The following ADAMTS6 variants were observed in gnomAD, a reference collection of about 807,000 sequenced individuals.
ADAMTS6 encodes the protein A disintegrin and metalloproteinase with thrombospondin motifs 6.
ADAMTS6 carries 23 observed loss-of-function variants against 144.3 expected under a neutral mutation model. The ratio of observed to expected loss-of-function variants is 0.16; its 90% CI spans 0.11 to 0.23. The LOEUF (loss-of-function observed/expected upper bound fraction) is 0.23. ADAMTS6 is among the 10% of genes least tolerant of loss of function. The probability of loss-of-function intolerance (pLI) is 1.00; values close to 1 mark genes in which losing one functional copy is unlikely to be tolerated. For missense variants in ADAMTS6, 999 were observed against 1,379.6 expected, an observed-to-expected ratio of 0.72 and a Z score of 4.37; for synonymous variants, 444 against 457.5, an observed-to-expected ratio of 0.97 and a Z score of 0.38.
chr5:65,205,761 T>A (rs1282089673), intron 20 of ADAMTS6, among the ~76,000 whole-genome samples: 2 of 152,192 alleles, frequency 1.3e-5, no homozygotes, highest in Non-Finnish European at 2.9e-5. Flanking sequence ...AGGAAAGAAG[T>A]TGCTAGCAAT....
chr5:65,416,746 T>C (rs1031491184), intron 7 of ADAMTS6, among the ~76,000 whole-genome samples: 2 of 80,430 alleles, frequency 2.5e-5, no homozygotes, highest in African/African-American at 2.1e-4. Flanking sequence ...CAAGACTCCA[T>C]TTAAAAAAAA....
rs754874510 is a variant in ADAMTS6 at position 65,275,677 on chromosome 5, CAAAT to C, written c.1513-2234_1513-2231del. Among the ~76,000 whole-genome samples, 62 of 151,094 alleles carry C rather than the reference CAAAT, an allele frequency of 4.1e-4. 2 individuals carry two copies. The highest frequency in any genetic ancestry group is 3.5e-4 in the Non-Finnish European group (24 of 67,722). ...CCCAGAACTTAAAGTAAAATAAAAA[CAAAT>C]AAATAAGTAAAATAAAAATAAAATA... On this transcript the variant is annotated intron_variant, in intron 11 of 24. Transcript: ENST00000381055.
chr5:65,465,250 G>C, intron 3 of ADAMTS6, among the ~76,000 whole-genome samples: 1 of 151,732 alleles, frequency 6.6e-6, no homozygotes, highest in East Asian at 1.9e-4. Context: ...ATTCCCCTCC[G>C]ATAGACATTG....
chr5:65,463,631 C>T (rs1759787969), intron 3 of ADAMTS6, among the ~76,000 whole-genome samples: 1 of 152,154 alleles, frequency 6.6e-6, no homozygotes, highest in Non-Finnish European at 1.5e-5. Flanking sequence ...GCCCAAACCT[C>T]ACCCCCTGAA....
At chr5:65,436,677 A>G (rs1439535844) in intron 7 of ADAMTS6, among the ~76,000 whole-genome samples, 1 of 147,470 alleles carries the variant, frequency 6.8e-6, no homozygotes, top group Non-Finnish European at 1.5e-5. Flanking sequence ...TCTACTAAAA[A>G]TATTTAAAAA....
At chr5:65,415,076 G>A (rs537555990) in intron 7 of ADAMTS6, among the ~76,000 whole-genome samples, 14 of 152,114 alleles carry the variant, frequency 9.2e-5, no homozygotes, top group African/African-American at 2.7e-4. Flanking sequence ...AAATATTTGC[G>A]AATCATATAT....
rs755656400 is a variant in ADAMTS6 at position 65,452,807 on chromosome 5, A to G, written c.743T>C (p.Ile248Thr). The G allele has an allele frequency of 8.1e-6, 13 of 1,614,010 alleles. No homozygotes were observed. In the African/African-American group the frequency reaches 1.2e-4, roughly 15 times the overall value. Residue 248 changes from isoleucine (I) to threonine (T), a missense_variant, in exon 5 of 25, where the codon ATT becomes ACT. Ile to Thr is a moderately conservative substitution (Grantham distance 89). Transcript: ENST00000381055. The stretch of plus-strand genomic sequence containing the variant: ...TACCAATGTCTCCACAAACCGTTCA[A>G]TGCTCACTGATCTCTTCTGTCTGTG... ...IHHRQKRSVS[I>T]ERFVETLVVA...
chr5:65,258,799 C>T (rs1409996538), intron 14 of ADAMTS6, among the ~76,000 whole-genome samples: 2 of 151,990 alleles, frequency 1.3e-5, no homozygotes, highest in Non-Finnish European at 2.9e-5. Flanking sequence ...GCTGGAAGAA[C>T]GAGTAGAGAA....
intron 7 of ADAMTS6, among the ~76,000 whole-genome samples, chr5:65,370,069 T>C (rs758683354): frequency 1.4e-4 from 22 of 152,238 alleles, no homozygotes; most frequent in South Asian, 8.3e-4. Context: ...GAAAAGGAAA[T>C]ATATTTTAAG....
chr5:65,364,659 T>TGGGTTCA (rs1279366132), intron 7 of ADAMTS6, among the ~76,000 whole-genome samples: 2 of 149,338 alleles, frequency 1.3e-5, no homozygotes, highest in Non-Finnish European at 3.0e-5. Context: ...CTCCGCCTCC[T>TGGGTTCA]GGGTTCATGC....
intron 9 of ADAMTS6, among the ~76,000 whole-genome samples, chr5:65,322,596 T>A (rs570733553): frequency 4.3e-5 from 6 of 139,368 alleles, no homozygotes; most frequent in Non-Finnish European, 6.1e-5. Flanking sequence ...ATCTTTCACC[T>A]CCCTAGTTAG....
chr5:65,425,856 T>C (rs561995059), intron 7 of ADAMTS6, among the ~76,000 whole-genome samples: 25 of 150,472 alleles, frequency 1.7e-4, no homozygotes, highest in Non-Finnish European at 3.0e-4. Context: ...CTCCGCCTCC[T>C]GGGTTCACGC....
At chr5:65,339,455 C>CAAAAAAAAAAAAAAAAAAAAAAAA (rs538468970) in intron 7 of ADAMTS6, among the ~76,000 whole-genome samples, 1 of 108,670 alleles carries the variant, frequency 9.2e-6, no homozygotes, top group African/African-American at 3.0e-5. Flanking sequence ...ATAAAAAAAG[C>CAAAAAAAAAAAAAAAAAAAAAAAA]AAAAAAAAAA....
intron 24 of ADAMTS6, among the ~76,000 whole-genome samples, chr5:65,158,053 T>G (rs1752533098): frequency 6.6e-6 from 1 of 152,160 alleles, no homozygotes; most frequent in Admixed American, 6.5e-5. Flanking sequence ...GGAGGTGGTA[T>G]AATCTCAACC....
At position 65,181,367 on chromosome 5, in the gene ADAMTS6, C is replaced by G. The variant is rs142351464; in HGVS notation, c.2910+6649G>C. Among the ~76,000 whole-genome samples, 5 of 152,254 alleles carry G rather than the reference C, an allele frequency of 3.3e-5. No homozygotes were observed. In the East Asian group the frequency reaches 9.6e-4, roughly 29 times the overall value. ...TGCCAAGTCTCCTCCACTGTTCAAACCAAAGACTTAAGAGGATTTCTGCCA... is the reference window on the plus strand; with the variant it reads ...TGCCAAGTCTCCTCCACTGTTCAAAGCAAAGACTTAAGAGGATTTCTGCCA... On this transcript the variant is annotated intron_variant, in intron 22 of 24. Coordinates refer to ENST00000381055, the MANE Select transcript of ADAMTS6 (RefSeq NM_197941.4).
intron 7 of ADAMTS6, among the ~76,000 whole-genome samples, chr5:65,348,246 T>A (rs1194788798): frequency 1.3e-5 from 2 of 152,116 alleles, no homozygotes; most frequent in Non-Finnish European, 2.9e-5. Context: ...AGCTAAGACA[T>A]GAAATCAATC....
intron 15 of ADAMTS6, among the ~76,000 whole-genome samples, chr5:65,234,707 C>T (rs905561591): frequency 1.3e-5 from 2 of 151,926 alleles, no homozygotes; most frequent in African/African-American, 2.4e-5. Flanking sequence ...CAGCCTTCTC[C>T]AAAAATTAAA....
chr5:65,219,286 G>A (rs542843165), intron 18 of ADAMTS6, among the ~76,000 whole-genome samples: 4 of 152,294 alleles, frequency 2.6e-5, no homozygotes, highest in African/African-American at 9.6e-5. Flanking sequence ...AATGGTAGAA[G>A]TGAATAGTTG....
At chr5:65,430,850 T>A (rs1756948049) in intron 7 of ADAMTS6, among the ~76,000 whole-genome samples, 1 of 152,194 alleles carries the variant, frequency 6.6e-6, no homozygotes, top group Non-Finnish European at 1.5e-5. Context: ...TTCTTCAGAA[T>A]CTTTTAAAAA....
Sources: gnomAD v4.1 joint callset for allele counts (sites outside exome capture counted in the v4.1 genomes callset) on GRCh38, gnomAD v4.1.1 for gene constraint, MANE v1.5 for transcripts, NCBI Gene and HGNC (gene_info 2026-07-23, HGNC 2026-07-21) for gene names.